STAB2: variants seen among roughly 807,000 people sequenced by gnomAD.
STAB2 encodes the protein stabilin-2.
Under a neutral mutation model 338.1 loss-of-function variants are expected in STAB2, and 288 were observed. The observed-to-expected ratio is 0.85, with a 90% CI of 0.77 to 0.94. The LOEUF is 0.94. Ranked by LOEUF, STAB2 falls within the 40% of genes least tolerant of loss-of-function variation. The pLI is 0.00. For missense variants in STAB2, 3,141 were observed against 3,210.1 expected, an observed-to-expected ratio of 0.98 and a Z score of 0.52; for synonymous variants, 1,202 against 1,193.3, an observed-to-expected ratio of 1.01 and a Z score of -0.15.
chr12:103,605,381 G>A (rs1957012268), intron 3 of STAB2, among the ~76,000 whole-genome samples: 1 of 151,704 alleles, frequency 6.6e-6, no homozygotes, highest in Non-Finnish European at 1.5e-5. Flanking sequence ...TGAAAAATAG[G>A]TGTATTCTGC....
chr12:103,737,606 CTT>C (rs761241523), intron 52 of STAB2, 26 bp from the exon 53 acceptor site: 133,874 of 983,234 alleles, frequency 0.14, 5,519 homozygotes, highest in African/African-American at 0.3. Flanking sequence ...CTCTCTTTCT[CTT>C]TTTTTTTTTT....
Position 103,683,231 on chromosome 12 carries a change from T to G in STAB2, c.2832T>G (p.Phe944Leu). 6.2e-7 allele frequency: 1 copy of G among 1,613,224 alleles called. No homozygotes were observed. Residue 944 changes from phenylalanine to leucine, a missense_variant, in exon 26 of 69, where the codon TTT (phenylalanine) becomes TTG (leucine). By Grantham distance (22) the Phe-to-Leu change is conservative. Coordinates refer to ENST00000388887, the MANE Select transcript of STAB2 (RefSeq NM_017564.10). The part of the protein sequence containing the change: ...GQNECECKKG[F>L]RGNGIDCEPI... ...ATGAGTGTGAGTGCAAGAAAGGATT[T>G]CGAGGAAATGGGATTGACTGTGAAC...
At chr12:103,658,114 A>T (rs1874326993) in intron 15 of STAB2, 1 of 152,290 alleles carries the variant, frequency 6.6e-6, no homozygotes, top group Non-Finnish European at 1.5e-5. Flanking sequence ...AGAGAGCAAG[A>T]CACCTGCCCT....
At chr12:103,602,640 T>A (rs1374308855) in intron 3 of STAB2, among the ~76,000 whole-genome samples, 1 of 152,256 alleles carries the variant, frequency 6.6e-6, no homozygotes. Flanking sequence ...ATTGCTATAA[T>A]CAGATTTTTT....
At chr12:103,603,614 A>G (rs1324267502) in intron 3 of STAB2, among the ~76,000 whole-genome samples, 3 of 152,174 alleles carry the variant, frequency 2.0e-5, no homozygotes, top group African/African-American at 4.8e-5. Context: ...CTTGATTACT[A>G]TGGTGTTACA....
intron 26 of STAB2, 31 bp downstream of exon 26, chr12:103,683,331 T>TAAAAA: frequency 1.8e-5 from 21 of 1,197,600 alleles, no homozygotes; most frequent in South Asian, 4.5e-5. Flanking sequence ...TTTCATTACT[T>TAAAAA]AAAAAAAAAA....
intron 27 of STAB2, among the ~76,000 whole-genome samples, chr12:103,685,453 T>TGCGC (rs1555238675): frequency 8.8e-6 from 1 of 113,628 alleles, no homozygotes; most frequent in Non-Finnish European, 2.1e-5. Context: ...TGTGTGTGTG[T>TGCGC]GCGCGTGCGT....
chr12:103,766,701 T>G lies in STAB2; in HGVS notation c.*365T>G, dbSNP rs528116907. On this transcript the variant is annotated 3_prime_UTR_variant, in exon 69 of 69. Transcript: ENST00000388887. ...ACACAGGAACTGTGCACAATAAAGG[T>G]TTATGGAACAGAAACAAAGTCAACA... The G allele has an allele frequency of 3.1e-5, 6 of 194,768 alleles. 1 individual carries two copies. In the South Asian group the frequency reaches 6.8e-4, roughly 22 times the overall value. The allele number at this position is 194,768 out of a possible 1,614,324, so 12.1% of individuals were successfully genotyped here.
At chr12:103,726,039 A>T in intron 45 of STAB2, 77 bp from the exon 46 acceptor site, 4 of 1,519,662 alleles carry the variant, frequency 2.6e-6, no homozygotes, top group Non-Finnish European at 3.6e-6. Flanking sequence ...GATGGCAGAG[A>T]AATCATCCCA....
Position 103,712,370 on chromosome 12 carries a change from C to T in STAB2, c.4338C>T (p.Cys1446=), listed in dbSNP as rs757687587. 21 of 1,613,690 alleles carry T rather than the reference C, an allele frequency of 1.3e-5. No individual in the cohort carries two copies. Among genetic ancestry groups the T allele is most frequent in the South Asian group, 2.2e-5 (2 of 91,074 alleles). ...CATTTGTCCTTCCTTGTTGCAGCTG[C>T]CTCACCAACTCAGATGGTACAGCTT... is the stretch of plus-strand genomic sequence containing the variant. ...CNGTCHTSAN[C]LTNSDGTASC... The change falls in exon 41 of 69, where the codon TGC becomes TGT. Residue 1446 remains cysteine, a synonymous_variant. Transcript: ENST00000388887.
intron 4 of STAB2, 125 bp downstream of exon 4, chr12:103,620,678 A>G: frequency 1.2e-6 from 1 of 862,760 alleles, no homozygotes; most frequent in Non-Finnish European, 1.8e-6. Context: ...TATACAGCGA[A>G]GTTCTTAAGC....
intron 60 of STAB2, among the ~76,000 whole-genome samples, chr12:103,752,362 C>T (rs969356655): frequency 1.3e-5 from 2 of 152,204 alleles, no homozygotes; most frequent in Middle Eastern, 3.2e-3. Context: ...GACTTACGCA[C>T]TGTGCTACTG....
At chr12:103,725,648 G>T (rs1881137338) in intron 45 of STAB2, among the ~76,000 whole-genome samples, 5 of 152,152 alleles carry the variant, frequency 3.3e-5, no homozygotes, top group Admixed American at 3.3e-4. Flanking sequence ...GTGCATGTGT[G>T]TATGCACGTG....
chr12:103,699,305 G>T (rs1012501245), intron 34 of STAB2, 78 bp downstream of exon 34: 33 of 1,514,052 alleles, frequency 2.2e-5, no homozygotes, highest in Non-Finnish European at 2.6e-5. Context: ...GAGTGTCTTG[G>T]CTCCTGTCAT....
intron 3 of STAB2, among the ~76,000 whole-genome samples, chr12:103,619,535 T>C (rs1957263950): frequency 6.6e-6 from 1 of 152,174 alleles, no homozygotes; most frequent in Non-Finnish European, 1.5e-5. Context: ...TGAAATATAA[T>C]GCTTGGCACA....
intron 8 of STAB2, among the ~76,000 whole-genome samples, chr12:103,639,670 C>T (rs61937794): frequency 0.13 from 18,340 of 141,566 alleles, 1,487 homozygotes; most frequent in Admixed American, 0.21. Context: ...CATCACTACA[C>T]TCTAGCCTGG....
Position 103,748,992 on chromosome 12 carries a change from G to A in STAB2, c.6274G>A (p.Gly2092Ser). ...VVDFCKQDNG[G>S]CAKVARCSQK... Reference sequence around the variant, plus strand: ...GGATTTCTGCAAACAGGACAACGGGGGCTGTGCAAAGGTGGCCAGATGCTC... The same window carrying A: ...GGATTTCTGCAAACAGGACAACGGGAGCTGTGCAAAGGTGGCCAGATGCTC... The change falls in exon 59 of 69, where the codon GGC becomes AGC. Residue 2092 changes from glycine to serine, a missense_variant. Transcript: ENST00000388887. 1.2e-6 allele frequency: 2 copies of A among 1,614,012 alleles called. No individual in the cohort carries two copies. The highest frequency in any genetic ancestry group is 1.1e-5 in the South Asian group (1 of 91,064).
In STAB2 at chr12:103,674,075, A is replaced by G; in HGVS notation, c.2540A>G (p.Asn847Ser). ...CHIHATCEYS[N>S]GTASCICKAG... ...ATCCACGCCACCTGTGAATACAGCA[A>G]TGGGACAGCCAGGTAGGTCTGTGAG... The change falls in exon 23 of 69, where the codon AAT (asparagine) becomes AGT (serine). Residue 847 changes from asparagine to serine, a missense_variant. By Grantham distance (46) the Asn-to-Ser change is conservative (BLOSUM62 1). Coordinates refer to ENST00000388887, the MANE Select transcript of STAB2 (RefSeq NM_017564.10). 2 of 1,610,674 alleles carry G rather than the reference A, an allele frequency of 1.2e-6. No homozygotes were observed. Among genetic ancestry groups the G allele is most frequent in the Middle Eastern group, 1.7e-4 (1 of 6,056 alleles).
intron 23 of STAB2, 57 bp from the exon 24 acceptor site, chr12:103,675,871 C>T: frequency 1.4e-6 from 2 of 1,422,006 alleles, no homozygotes; most frequent in Non-Finnish European, 1.9e-6. Context: ...CTGGCTGGCT[C>T]TCTTCTGGGT....
Sources: allele counts gnomAD v4.1 joint callset (sites outside exome capture counted in the v4.1 genomes callset), GRCh38; gene constraint gnomAD v4.1.1; transcripts MANE v1.5; gene names NCBI Gene and HGNC (gene_info 2026-07-23, HGNC 2026-07-21).